The following PCNX2 variants were observed in gnomAD, a reference collection of about 807,000 sequenced individuals.
PCNX2 encodes the protein pecanex 2, also known as pecanex-like protein 2.
A neutral mutation model predicts 223.8 loss-of-function variants in PCNX2; 168 were observed. The ratio of observed to expected loss-of-function variants is 0.75; its 90% CI spans 0.66 to 0.85. The LOEUF (loss-of-function observed/expected upper bound fraction) is 0.85, where lower values mean the gene tolerates loss of function less well. Ranked by LOEUF, PCNX2 falls within the 40% of genes least tolerant of loss-of-function variation. The probability of loss-of-function intolerance (pLI) is 0.00; values close to 1 mark genes in which losing one functional copy is unlikely to be tolerated. For missense variants in PCNX2, 2,507 were observed against 2,675.5 expected, an observed-to-expected ratio of 0.94 and a Z score of 1.39; for synonymous variants, 1,006 against 1,052.6, an observed-to-expected ratio of 0.96 and a Z score of 0.86.
rs1659910870 is a variant in PCNX2 at position 233,259,159 on chromosome 1, C to T, written c.703G>A (p.Gly235Arg). The change falls in exon 5 of 34, where the codon GGG becomes AGG. Residue 235 changes from glycine (G) to arginine (R), a missense_variant. Physicochemically the swap from Gly to Arg is moderately radical, Grantham distance 125. Coordinates refer to ENST00000258229, the MANE Select transcript of PCNX2 (RefSeq NM_014801.4). ...GATCTGTGGCGCAAAGGAGGCTGCC[C>T]CTTGCCTCCTCTTTCCTTTCCTTTA... ...NGKGKERGGK[G>R]QPPLRHRSEG... The T allele has an allele frequency of 1.9e-6, 3 of 1,613,846 alleles. No homozygotes were observed. In the East Asian group the frequency reaches 6.7e-5, roughly 36 times the overall value.
intron 19 of PCNX2, among the ~76,000 whole-genome samples, chr1:233,142,967 T>G (rs1677217094): frequency 6.6e-6 from 1 of 152,184 alleles, no homozygotes; most frequent in Non-Finnish European, 1.5e-5. Flanking sequence ...CCTATTATTT[T>G]TCTTATCTTC....
intron 1 of PCNX2, among the ~76,000 whole-genome samples, chr1:233,265,958 G>C (rs1215517409): frequency 1.3e-5 from 2 of 152,102 alleles, no homozygotes; most frequent in Non-Finnish European, 2.9e-5. Context: ...CTGAAATTAA[G>C]TGAGGGCAAG....
intron 15 of PCNX2, among the ~76,000 whole-genome samples, chr1:233,183,402 A>G (rs1467356337): frequency 6.6e-6 from 1 of 152,198 alleles, no homozygotes. Context: ...AATGACTACA[A>G]GGTTTGGGCT....
intron 12 of PCNX2, among the ~76,000 whole-genome samples, chr1:233,210,885 C>T (rs539499676): frequency 2.0e-5 from 3 of 152,118 alleles, no homozygotes; most frequent in Non-Finnish European, 4.4e-5. Flanking sequence ...TGTGCATTTG[C>T]GTTTTCCATC....
chr1:233,261,820 G>T (rs1660060724), intron 3 of PCNX2, among the ~76,000 whole-genome samples: 1 of 152,210 alleles, frequency 6.6e-6, no homozygotes, highest in Non-Finnish European at 1.5e-5. Flanking sequence ...TGGACGGCAG[G>T]GAAGGCCAGA....
chr1:233,171,054 A>G (rs1159869331), intron 17 of PCNX2, among the ~76,000 whole-genome samples: 2 of 152,200 alleles, frequency 1.3e-5, no homozygotes, highest in African/African-American at 4.8e-5. Context: ...TTCAATCTGT[A>G]TCTTTATTCT....
intron 17 of PCNX2, among the ~76,000 whole-genome samples, chr1:233,171,271 T>G (rs1395575243): frequency 6.6e-6 from 1 of 152,132 alleles, no homozygotes; most frequent in East Asian, 1.9e-4. Context: ...CACTTGCAAA[T>G]CAGATCTTCC....
In PCNX2 at chr1:233,001,985, CAAAGTT is replaced by C. The variant is rs1317978558; in HGVS notation, c.4953-310_4953-305del. Among the ~76,000 whole-genome samples the C allele has an allele frequency of 1.3e-5, 2 of 152,162 alleles. No individual in the cohort carries two copies. Among genetic ancestry groups the C allele is most frequent in the Non-Finnish European group, 2.9e-5 (2 of 68,024 alleles). Reference sequence around the variant, plus strand: ...TCAGAACTGGCCTCACGTGTCCACTCAAAGTTAGAGTGCTAAAACACAGTTTCATCT... The same window carrying C: ...TCAGAACTGGCCTCACGTGTCCACTCAGAGTGCTAAAACACAGTTTCATCT... On this transcript the variant is annotated intron_variant, in intron 28 of 33. Coordinates refer to ENST00000258229, the MANE Select transcript of PCNX2 (RefSeq NM_014801.4). This position sits in a 1 kb window ranked among gnomAD's most constrained non-coding sequence, Gnocchi z 4.2.
chr1:233,277,637 A>G (rs547793591), intron 1 of PCNX2, among the ~76,000 whole-genome samples: 38 of 152,318 alleles, frequency 2.5e-4, no homozygotes, highest in African/African-American at 8.9e-4. Flanking sequence ...AGGCAGTCCA[A>G]TTAGAGCAGG....
At position 233,178,976 on chromosome 1, in the gene PCNX2, T is replaced by A. The variant is rs116531594; in HGVS notation, c.3176+90A>T. 2.0e-3 allele frequency: 2,282 copies of A among 1,122,636 alleles called. 37 individuals carry two copies. The African/African-American group carries it at 0.03, about 15-fold the overall frequency. The allele number at this position is 1,122,636 out of a possible 1,614,324, so 69.5% of individuals were successfully genotyped here. On this transcript the variant is annotated intron_variant, in intron 16 of 33. Transcript: ENST00000258229. ...GAGTCAAATCACAATGGGCAGTGAATTGCTGTCTGCCCATCTCAGTCAGGG... is the reference window on the plus strand; with the variant it reads ...GAGTCAAATCACAATGGGCAGTGAAATGCTGTCTGCCCATCTCAGTCAGGG...
At chr1:233,110,967 A>C (rs1279541767) in intron 21 of PCNX2, among the ~76,000 whole-genome samples, 1 of 152,148 alleles carries the variant, frequency 6.6e-6, no homozygotes, top group African/African-American at 2.4e-5. Flanking sequence ...AATGGCACAA[A>C]TAATATGTCA....
intron 1 of PCNX2, among the ~76,000 whole-genome samples, chr1:233,293,602 G>T (rs939864576): frequency 6.6e-6 from 1 of 152,214 alleles, no homozygotes; most frequent in African/African-American, 2.4e-5. Context: ...AGGGAGAAGA[G>T]AAATTAATTC....
intron 24 of PCNX2, 29 bp from the exon 25 acceptor site, chr1:233,054,512 G>A: frequency 1.9e-6 from 3 of 1,549,494 alleles, no homozygotes; most frequent in Non-Finnish European, 2.7e-6. Flanking sequence ...TATGATCAGT[G>A]AATGCCTACT....
chr1:233,202,201 CT>C (rs763136548), intron 13 of PCNX2: 437 of 408,696 alleles, frequency 1.1e-3, no homozygotes, highest in Admixed American at 2.4e-3. Flanking sequence ...TTATTTTGTC[CT>C]TTTTTTTTTC....
intron 32 of PCNX2, 51 bp from the exon 33 acceptor site, chr1:232,986,591 G>A (rs539047232): frequency 9.7e-6 from 14 of 1,436,400 alleles, no homozygotes; most frequent in South Asian, 4.4e-5. Flanking sequence ...CATGAACATC[G>A]ATACCTGTGT....
chr1:233,059,666 T>C (rs1672331680), intron 23 of PCNX2, among the ~76,000 whole-genome samples: 1 of 152,256 alleles, frequency 6.6e-6, no homozygotes, highest in African/African-American at 2.4e-5. Flanking sequence ...ACTCAATAAA[T>C]ATTTGCAGAA....
intron 19 of PCNX2, among the ~76,000 whole-genome samples, chr1:233,160,049 A>C (rs1361175702): frequency 6.6e-6 from 1 of 152,182 alleles, no homozygotes; most frequent in African/African-American, 2.4e-5. Context: ...CCTGGCTTTA[A>C]CTTTCTTGTT....
chr1:233,018,501 CTTGA>C (rs1327069135), intron 26 of PCNX2, among the ~76,000 whole-genome samples: 2 of 152,160 alleles, frequency 1.3e-5, no homozygotes, highest in Non-Finnish European at 2.9e-5. Context: ...CTCCCTTGGG[CTTGA>C]TTATTATGAG....
intron 17 of PCNX2, among the ~76,000 whole-genome samples, chr1:233,164,516 A>G (rs1678676363): frequency 6.6e-6 from 1 of 152,080 alleles, no homozygotes; most frequent in African/African-American, 2.4e-5. Flanking sequence ...TATTCACAAT[A>G]GCCAAGATAT....
Sources: gnomAD v4.1 joint callset for allele counts (sites outside exome capture counted in the v4.1 genomes callset) on GRCh38, gnomAD v4.1.1 for gene constraint, Gnocchi (gnomAD v3.1) non-coding constraint, MANE v1.5 for transcripts, NCBI Gene and HGNC (gene_info 2026-07-23, HGNC 2026-07-21) for gene names.